The following GIPC3 variants were observed in gnomAD, a reference collection of about 807,000 sequenced individuals.
The protein encoded by GIPC3 is PDZ domain-containing protein GIPC3.
GIPC3 carries 16 observed loss-of-function variants against 27.3 expected under a neutral mutation model. The ratio of observed to expected loss-of-function variants is 0.59; its 90% CI spans 0.40 to 0.89. The LOEUF (loss-of-function observed/expected upper bound fraction) is 0.89. Ranked by LOEUF, GIPC3 falls within the 40% of genes least tolerant of loss-of-function variation. GIPC3 has a pLI of 0.00. For synonymous variants in GIPC3, 194 were observed against 184.6 expected (o/e 1.05, Z -0.41); for missense variants, 440 against 442.1 (o/e 1.00, Z 0.04).
rs753551569 is a variant in GIPC3 at position 3,593,391 on chromosome 19, C to T, written c.*3201C>T. On this transcript the variant is annotated 3_prime_UTR_variant, in exon 6 of 6. Transcript: ENST00000644452. ...CAAGTGACCTTATTTCTCCAGCAGG[C>T]GGTGGTAGGGAGTGTGCGGTGGTGA... The T allele has an allele frequency of 4.7e-6, 5 of 1,062,512 alleles. No homozygotes were observed. Among genetic ancestry groups the T allele is most frequent in the Non-Finnish European group, 6.0e-6 (5 of 833,666 alleles). The allele number at this position is 1,062,512 out of a possible 1,614,324, so 65.8% of individuals were successfully genotyped here. A position where few individuals can be genotyped will look rare whatever the true frequency, so the allele number is the denominator to read the frequency against.
chr19:3,590,815 G>A lies in GIPC3; in HGVS notation c.*625G>A, dbSNP rs1276681742. The A allele has an allele frequency of 1.2e-5, 15 of 1,233,404 alleles. No individual in the cohort carries two copies. The African/African-American group carries it at 1.4e-4, about 12-fold the overall frequency. 76.4% of individuals were successfully genotyped at this position (1,233,404 alleles called of 1,614,324 possible). A position where few individuals can be genotyped will look rare whatever the true frequency, so the allele number is the denominator to read the frequency against. On this transcript the variant is annotated 3_prime_UTR_variant, in exon 6 of 6. Coordinates refer to ENST00000644452, the MANE Select transcript of GIPC3 (RefSeq NM_133261.3). ...GGCTCTGAGACCGAGCCCAGCTCTA[G>A]AACTCAGATGGGCTCTGAGACCATG...
chr19:3,590,999 C>A lies in GIPC3; in HGVS notation c.*809C>A. On this transcript the variant is annotated 3_prime_UTR_variant, in exon 6 of 6. Coordinates refer to ENST00000644452, the MANE Select transcript of GIPC3 (RefSeq NM_133261.3). ...CTAGAGTCCAGGCCAGCTCCGAGAC[C>A]AAGCCCAGCTCTAGAACCCAGATAA... 8.1e-7 allele frequency: 1 copy of A among 1,233,462 alleles called. No individual in the cohort carries two copies. The highest frequency in any genetic ancestry group is 1.0e-6 in the Non-Finnish European group (1 of 988,996). The allele number at this position is 1,233,462 out of a possible 1,614,324, so 76.4% of individuals were successfully genotyped here. A position where few individuals can be genotyped will look rare whatever the true frequency, so the allele number is the denominator to read the frequency against.
Position 3,591,177 on chromosome 19 carries a change from A to C in GIPC3, c.*987A>C. The C allele has an allele frequency of 5.7e-6, 7 of 1,233,258 alleles. No individual in the cohort carries two copies. Among genetic ancestry groups the C allele is most frequent in the Non-Finnish European group, 7.1e-6 (7 of 988,828 alleles). 76.4% of individuals were successfully genotyped at this position (1,233,258 alleles called of 1,614,324 possible). A position where few individuals can be genotyped will look rare whatever the true frequency, so the allele number is the denominator to read the frequency against. On this transcript the variant is annotated 3_prime_UTR_variant, in exon 6 of 6. Transcript: ENST00000644452. ...CTCTGAAACCAATCCCAGCATTGAG[A>C]CCAAGCCCTGTTCTAGAACTCAGGC...
intron 3 of GIPC3, among the ~76,000 whole-genome samples, chr19:3,587,576 G>A (rs772571153): frequency 8.6e-5 from 13 of 150,854 alleles, no homozygotes; most frequent in South Asian, 2.1e-4. Flanking sequence ...GCCACCGCGC[G>A]CAGCCTGGGA....
chr19:3,590,234 C>A lies in GIPC3; in HGVS notation c.*44C>A, dbSNP rs1176892530. On this transcript the variant is annotated 3_prime_UTR_variant, in exon 6 of 6. Transcript: ENST00000644452. ...AGCACAGCCCCAGCCCGGAGCCCAGCCCCCTGCCCCGGCCCTGCTCCAGAA... is the reference window on the plus strand; with the variant it reads ...AGCACAGCCCCAGCCCGGAGCCCAGACCCCTGCCCCGGCCCTGCTCCAGAA... 4 of 1,550,192 alleles carry A rather than the reference C, an allele frequency of 2.6e-6. No individual in the cohort carries two copies. The highest frequency in any genetic ancestry group is 2.4e-5 in the East Asian group (1 of 41,654).
In GIPC3 at chr19:3,592,135, A is replaced by G. The variant is rs16991953; in HGVS notation, c.*1945A>G. The G allele has an allele frequency of 0.075, 92,783 of 1,231,944 alleles. 3,640 individuals carry two copies. The highest frequency in any genetic ancestry group is 0.13 in the African/African-American group (8,315 of 64,436). 76.3% of individuals were successfully genotyped at this position (1,231,944 alleles called of 1,614,324 possible). ...GGGACCCAGGCCATCGCAGCAATAG[A>G]ATTAAGCTCCACAGCCCTGTCTAGT... On this transcript the variant is annotated 3_prime_UTR_variant, in exon 6 of 6. Transcript: ENST00000644452.
rs764467903 is a variant in GIPC3, at chr19:3,585,601, G to A, written c.4G>A (p.Glu2Lys). The change falls in exon 1 of 6, where the codon GAG becomes AAG. Residue 2 changes from glutamate (E) to lysine (K), a missense_variant. Transcript: ENST00000644452. M[E>K]GAAAREARGT... Reference sequence around the variant, plus strand: ...GGGTGGCCGAACTTCTCCCGCCATGGAGGGAGCAGCGGCCCGGGAGGCCCG... The same window carrying A: ...GGGTGGCCGAACTTCTCCCGCCATGAAGGGAGCAGCGGCCCGGGAGGCCCG... The A allele has an allele frequency of 1.1e-3, 1,247 of 1,155,790 alleles. 1 individual carries two copies. The highest frequency in any genetic ancestry group is 1.1e-3 in the Non-Finnish European group (1,011 of 940,662). The allele number at this position is 1,155,790 out of a possible 1,614,324, so 71.6% of individuals were successfully genotyped here. A position where few individuals can be genotyped will look rare whatever the true frequency, so the allele number is the denominator to read the frequency against.
chr19:3,591,578 A>G lies in GIPC3; in HGVS notation c.*1388A>G. Reference sequence around the variant, plus strand: ...GAACCCCAGTCAGCTCAGGATTCAGAGACAGCTCCCAAATCAAATCCTATT... The same window carrying G: ...GAACCCCAGTCAGCTCAGGATTCAGGGACAGCTCCCAAATCAAATCCTATT... On this transcript the variant is annotated 3_prime_UTR_variant, in exon 6 of 6. Coordinates refer to ENST00000644452, the MANE Select transcript of GIPC3 (RefSeq NM_133261.3). 1 of 1,232,928 alleles carries G rather than the reference A, an allele frequency of 8.1e-7. No homozygotes were observed. The highest frequency in any genetic ancestry group is 1.0e-6 in the Non-Finnish European group (1 of 988,786). 76.4% of individuals were successfully genotyped at this position (1,232,928 alleles called of 1,614,324 possible). A position where few individuals can be genotyped will look rare whatever the true frequency, so the allele number is the denominator to read the frequency against.
chr19:3,593,160 G>A lies in GIPC3; in HGVS notation c.*2970G>A, dbSNP rs1276447830. The stretch of plus-strand genomic sequence containing the variant: ...GAAGTCCACCCCACCCACCATATCT[G>A]TCACTCCTAGTCCTGCCCCTAGGGC... On this transcript the variant is annotated 3_prime_UTR_variant, in exon 6 of 6. Transcript: ENST00000644452. The A allele has an allele frequency of 1.6e-6, 2 of 1,232,314 alleles. No homozygotes were observed. The highest frequency in any genetic ancestry group is 3.1e-5 in the African/African-American group (2 of 64,522). 76.3% of individuals were successfully genotyped at this position (1,232,314 alleles called of 1,614,324 possible).
In GIPC3 at chr19:3,591,740, G is replaced by A; in HGVS notation, c.*1550G>A. 1.1e-5 allele frequency: 14 copies of A among 1,233,554 alleles called. No homozygotes were observed. The highest frequency in any genetic ancestry group is 1.4e-5 in the Non-Finnish European group (14 of 989,142). 76.4% of individuals were successfully genotyped at this position (1,233,554 alleles called of 1,614,324 possible). On this transcript the variant is annotated 3_prime_UTR_variant, in exon 6 of 6. Coordinates refer to ENST00000644452, the MANE Select transcript of GIPC3 (RefSeq NM_133261.3). Reference sequence around the variant, plus strand: ...GTGATGATTCCAGCTCTGAGACTGAGCCCAGCTCTAGAACCTCGCCTAGTG... The same window carrying A: ...GTGATGATTCCAGCTCTGAGACTGAACCCAGCTCTAGAACCTCGCCTAGTG...
rs1412009161 is a variant in GIPC3 at position 3,586,898 on chromosome 19, G to C, written c.496G>C (p.Val166Leu). The C allele has an allele frequency of 1.2e-6, 2 of 1,613,012 alleles. No homozygotes were observed. The highest frequency in any genetic ancestry group is 1.7e-6 in the Non-Finnish European group (2 of 1,179,960). The change falls in exon 3 of 6, where the codon GTG becomes CTG. Residue 166 changes from valine to leucine, a missense_variant. Transcript: ENST00000644452. ...CGAAGCCATCAACGACCACTCCATT[G>C]TGGGCTGCCGCCACTACGAGGTGGC... ...SIEAINDHSI[V>L]GCRHYEVAKM...
Position 3,593,517 on chromosome 19 carries a change from A to G in GIPC3, c.*3327A>G. The G allele has an allele frequency of 2.5e-6, 1 of 398,034 alleles. No homozygotes were observed. The highest frequency in any genetic ancestry group is 4.4e-6 in the Non-Finnish European group (1 of 227,550). 24.7% of individuals were successfully genotyped at this position (398,034 alleles called of 1,614,324 possible). A position where few individuals can be genotyped will look rare whatever the true frequency, so the allele number is the denominator to read the frequency against. ...GCATGTACCCTGAGGGCTCATGGTG[A>G]ATAAAGGCACCTTCCATCTCTGCAG... On this transcript the variant is annotated 3_prime_UTR_variant, in exon 6 of 6. Coordinates refer to ENST00000644452, the MANE Select transcript of GIPC3 (RefSeq NM_133261.3).
In GIPC3 at chr19:3,592,271, C is replaced by G. The variant is rs1034139678; in HGVS notation, c.*2081C>G. On this transcript the variant is annotated 3_prime_UTR_variant, in exon 6 of 6. Coordinates refer to ENST00000644452, the MANE Select transcript of GIPC3 (RefSeq NM_133261.3). ...CAGGTTCTAGATACCAGCTCCAGAC[C>G]ACAGCCCCAGACAGCTCTGGTATTC... 1.1e-5 allele frequency: 13 copies of G among 1,232,060 alleles called. No individual in the cohort carries two copies. Among genetic ancestry groups the G allele is most frequent in the Non-Finnish European group, 1.1e-5 (11 of 988,076 alleles). The allele number at this position is 1,232,060 out of a possible 1,614,324, so 76.3% of individuals were successfully genotyped here.
chr19:3,585,640 C>A lies in GIPC3; in HGVS notation c.43C>A (p.Pro15Thr), dbSNP rs1599861745. 1.7e-6 allele frequency: 2 copies of A among 1,194,394 alleles called. No homozygotes were observed. Among genetic ancestry groups the A allele is most frequent in the South Asian group, 8.2e-5 (2 of 24,280 alleles). The allele number at this position is 1,194,394 out of a possible 1,614,324, so 74.0% of individuals were successfully genotyped here. A position where few individuals can be genotyped will look rare whatever the true frequency, so the allele number is the denominator to read the frequency against. ...AAREARGTET[P>T]RASAPPPAPS... Reference sequence around the variant, plus strand: ...CCGGGAGGCCCGGGGGACCGAGACCCCGCGCGCGTCTGCGCCCCCGCCCGC... The same window carrying A: ...CCGGGAGGCCCGGGGGACCGAGACCACGCGCGCGTCTGCGCCCCCGCCCGC... Residue 15 changes from proline to threonine, a missense_variant, in exon 1 of 6, where the codon CCG becomes ACG. By Grantham distance (38) the Pro-to-Thr change is conservative. Transcript: ENST00000644452.
chr19:3,587,185 G>C (rs528042506), intron 3 of GIPC3, among the ~76,000 whole-genome samples, 191 bp downstream of exon 3: 9 of 152,296 alleles, frequency 5.9e-5, no homozygotes, highest in East Asian at 1.9e-4. Context: ...CAGCCTGTGG[G>C]GGAGGGGTGG....
chr19:3,592,109 T>C lies in GIPC3; in HGVS notation c.*1919T>C, dbSNP rs1202946076. 7.3e-6 allele frequency: 9 copies of C among 1,232,002 alleles called. No individual in the cohort carries two copies. The highest frequency in any genetic ancestry group is 5.1e-6 in the Non-Finnish European group (5 of 988,066). The allele number at this position is 1,232,002 out of a possible 1,614,324, so 76.3% of individuals were successfully genotyped here. ...TAAGCTCTGGAGTCCAATCTAGTCC[T>C]GGGACCCAGGCCATCGCAGCAATAG... On this transcript the variant is annotated 3_prime_UTR_variant, in exon 6 of 6. Transcript: ENST00000644452.
At chr19:3,586,447 G>T in intron 1 of GIPC3, 48 bp from the exon 2 acceptor site, 1 of 1,562,142 alleles carries the variant, frequency 6.4e-7, no homozygotes, top group Non-Finnish European at 8.8e-7. Flanking sequence ...TGGCTGCGTG[G>T]GGGGATGCAT....
chr19:3,587,110 CA>C, intron 3 of GIPC3, 116 bp downstream of exon 3: 2 of 886,340 alleles, frequency 2.3e-6, no homozygotes, highest in Non-Finnish European at 3.5e-6. Flanking sequence ...CGCTGCGTGC[CA>C]AGGAGCTCCT....
intron 3 of GIPC3, among the ~76,000 whole-genome samples, chr19:3,587,235 C>T (rs1000389576): frequency 4.6e-5 from 7 of 151,992 alleles, no homozygotes; most frequent in Non-Finnish European, 8.8e-5. Context: ...GAGGACGCGT[C>T]CAGAACCACT....
Sources: gnomAD v4.1 joint callset for allele counts (sites outside exome capture counted in the v4.1 genomes callset) on GRCh38, gnomAD v4.1.1 for gene constraint, MANE v1.5 for transcripts, NCBI Gene and HGNC (gene_info 2026-07-23, HGNC 2026-07-21) for gene names.